The following GRM3 variants were observed in gnomAD, a reference collection of about 807,000 sequenced individuals.
GRM3 encodes the protein glutamate metabotropic receptor 3, also known as metabotropic glutamate receptor 3.
Under a neutral mutation model 70.5 loss-of-function variants are expected in GRM3, and 26 were observed. The observed-to-expected ratio is 0.37, with a 90% CI of 0.27 to 0.51. The LOEUF (loss-of-function observed/expected upper bound fraction) is 0.51. Ranked by LOEUF, GRM3 falls within the 20% of genes least tolerant of loss-of-function variation. The pLI, the probability that GRM3 is intolerant of heterozygous loss-of-function variation, is 0.93. For missense variants in GRM3, 859 were observed against 1,123.8 expected (o/e 0.76, Z 3.37); for synonymous variants, 443 against 434.9 (o/e 1.02, Z -0.23).
intron 1 of GRM3, among the ~76,000 whole-genome samples, chr7:86,681,358 C>T (rs1794436545): frequency 6.6e-6 from 1 of 152,072 alleles, no homozygotes; most frequent in Admixed American, 6.6e-5. Context: ...TTTTAATATG[C>T]CATCAGTTTC....
In GRM3 at chr7:86,786,253, TC is replaced by T. The variant is rs770583307; in HGVS notation, c.469-4del. ...TTCTAACAAAGGTCCTTCTTCTCCCTCCCCTAGGTGGCAAACCTGCTGCGGC... is the reference window on the plus strand; with the variant it reads ...TTCTAACAAAGGTCCTTCTTCTCCCTCCCTAGGTGGCAAACCTGCTGCGGC... On this transcript the variant is annotated splice_region_variant and splice_polypyrimidine_tract_variant and intron_variant, in intron 2 of 5. Transcript: ENST00000361669. This position sits in a 1 kb window ranked among gnomAD's most constrained non-coding sequence, Gnocchi z 6.0. The T allele has an allele frequency of 6.2e-7, 1 of 1,602,802 alleles. No individual in the cohort carries two copies. The highest frequency in any genetic ancestry group is 8.5e-7 in the Non-Finnish European group (1 of 1,173,466).
At chr7:86,656,054 T>G (rs959623732) in intron 1 of GRM3, among the ~76,000 whole-genome samples, 1 of 152,052 alleles carries the variant, frequency 6.6e-6, no homozygotes, top group Non-Finnish European at 1.5e-5. Context: ...TTCCTTTCAG[T>G]AGTGACTGAC....
intron 4 of GRM3, among the ~76,000 whole-genome samples, chr7:86,843,303 A>G (rs1230020908): frequency 2.0e-5 from 3 of 152,196 alleles, no homozygotes; most frequent in Admixed American, 6.6e-5. Flanking sequence ...GTTATGAAAT[A>G]GTAGTTTTTC....
intron 1 of GRM3, among the ~76,000 whole-genome samples, chr7:86,676,462 C>T (rs968328571): frequency 1.3e-5 from 2 of 151,804 alleles, no homozygotes; most frequent in African/African-American, 4.8e-5. Context: ...AAAATACATC[C>T]TCAAATTAAT....
At chr7:86,750,527 A>G (rs527434110) in intron 1 of GRM3, among the ~76,000 whole-genome samples, 1 of 152,194 alleles carries the variant, frequency 6.6e-6, no homozygotes, top group South Asian at 2.1e-4. Context: ...TTTCCTAGCC[A>G]CTAAAGAAAT....
intron 3 of GRM3, among the ~76,000 whole-genome samples, chr7:86,797,544 A>G (rs915953915): frequency 6.6e-6 from 1 of 152,206 alleles, no homozygotes; most frequent in Non-Finnish European, 1.5e-5. Flanking sequence ...ATTCAGTTTT[A>G]TGTACTCACA....
intron 1 of GRM3, among the ~76,000 whole-genome samples, chr7:86,677,714 T>A (rs1284696170): frequency 6.6e-6 from 1 of 151,906 alleles, no homozygotes; most frequent in African/African-American, 2.4e-5. Flanking sequence ...CCTAGCCAAA[T>A]AAGTATAATC....
rs750928419 is a variant in GRM3, at chr7:86,765,357, C to G, written c.212C>G (p.Ala71Gly). The G allele has an allele frequency of 8.7e-6, 14 of 1,613,776 alleles. No homozygotes were observed. The highest frequency in any genetic ancestry group is 5.3e-5 in the African/African-American group (4 of 74,900). Residue 71 changes from alanine to glycine, a missense_variant, in exon 2 of 6, where the codon GCC (alanine) becomes GGC (glycine). Ala to Gly is a moderately conservative substitution (Grantham distance 60). Transcript: ENST00000361669. ...NEDRGIQRLE[A>G]MLFAIDEINK... ...GACCGAGGGATTCAACGCCTGGAAG[C>G]CATGTTGTTTGCTATTGATGAAATC...
chr7:86,711,252 T>A (rs1428653621), intron 1 of GRM3, among the ~76,000 whole-genome samples: 1 of 151,988 alleles, frequency 6.6e-6, no homozygotes, highest in African/African-American at 2.4e-5. Flanking sequence ...CTGTAAAACA[T>A]ATATGACAGC....
At chr7:86,758,443 G>C (rs534745895) in intron 1 of GRM3, among the ~76,000 whole-genome samples, 2 of 152,278 alleles carry the variant, frequency 1.3e-5, no homozygotes, top group South Asian at 2.1e-4. Context: ...AATTTGGAGA[G>C]GCTCTAATTC....
At chr7:86,693,664 A>T (rs1045804283) in intron 1 of GRM3, among the ~76,000 whole-genome samples, 1 of 152,200 alleles carries the variant, frequency 6.6e-6, no homozygotes, top group Admixed American at 6.5e-5. Flanking sequence ...CCATAATCTC[A>T]TGGTGTGAGA....
At chr7:86,817,432 A>G (rs1195897290) in intron 3 of GRM3, among the ~76,000 whole-genome samples, 1 of 151,996 alleles carries the variant, frequency 6.6e-6, no homozygotes, top group East Asian at 1.9e-4. Context: ...ATTTATGAAT[A>G]TAAAATTAAC....
intron 2 of GRM3, among the ~76,000 whole-genome samples, chr7:86,774,876 A>G (rs956089880): frequency 3.9e-5 from 6 of 152,176 alleles, no homozygotes; most frequent in Admixed American, 6.5e-5. Context: ...AAAAAAGTAA[A>G]TTCCATCTAA....
chr7:86,754,764 C>G (rs1796305837), intron 1 of GRM3, among the ~76,000 whole-genome samples: 1 of 152,100 alleles, frequency 6.6e-6, no homozygotes, highest in African/African-American at 2.4e-5. Context: ...CTGATTTCAG[C>G]AAAACCAAAA....
intron 1 of GRM3, among the ~76,000 whole-genome samples, chr7:86,759,843 T>C (rs971568105): frequency 6.6e-6 from 1 of 152,136 alleles, no homozygotes; most frequent in African/African-American, 2.4e-5. Context: ...AAAAATACCC[T>C]TTTTCTCTAG....
At chr7:86,660,184 G>A (rs1793857403) in intron 1 of GRM3, among the ~76,000 whole-genome samples, 1 of 152,168 alleles carries the variant, frequency 6.6e-6, no homozygotes, top group Non-Finnish European at 1.5e-5. Context: ...TGAAAGAATA[G>A]TAATTTTGCT....
chr7:86,779,885 C>T (rs1012786823), intron 2 of GRM3, among the ~76,000 whole-genome samples: 8 of 152,120 alleles, frequency 5.3e-5, no homozygotes, highest in African/African-American at 1.9e-4. Context: ...TAACATTTAG[C>T]AATGGTTTGT....
At chr7:86,694,917 C>T (rs1037222493) in intron 1 of GRM3, among the ~76,000 whole-genome samples, 3 of 152,174 alleles carry the variant, frequency 2.0e-5, no homozygotes, top group Non-Finnish European at 2.9e-5. Flanking sequence ...CATGTTAATT[C>T]TTTTCAGAGC....
At chr7:86,775,107 T>C (rs571315240) in intron 2 of GRM3, 2 of 152,132 alleles carry the variant, frequency 1.3e-5, no homozygotes, top group Non-Finnish European at 2.9e-5. Flanking sequence ...ACAATGTTTA[T>C]TTAACTGACT....
Sources: gnomAD v4.1 joint callset for allele counts (sites outside exome capture counted in the v4.1 genomes callset) on GRCh38, gnomAD v4.1.1 for gene constraint, Gnocchi (gnomAD v3.1) non-coding constraint, MANE v1.5 for transcripts, NCBI Gene and HGNC (gene_info 2026-07-23, HGNC 2026-07-21) for gene names.